Variants in ABCA3 observed in about 807,000 individuals in gnomAD.
The protein encoded by ABCA3 is phospholipid-transporting ATPase ABCA3.
A neutral mutation model predicts 172.8 loss-of-function variants in ABCA3; 88 were observed. The observed-to-expected ratio is 0.51, with a 90% CI of 0.43 to 0.61. ABCA3 has a LOEUF of 0.61. ABCA3 is among the 20% of genes least tolerant of loss of function. The pLI is 0.00. For missense variants in ABCA3, 2,164 were observed against 2,301.0 expected (o/e 0.94, Z 1.22); for synonymous variants, 1,066 against 983.8 (o/e 1.08, Z -1.56).
intron 1 of ABCA3, among the ~76,000 whole-genome samples, chr16:2,330,697 CTTT>C (rs35782536): frequency 2.8e-4 from 22 of 79,198 alleles, no homozygotes; most frequent in Middle Eastern, 6.9e-3. Flanking sequence ...CAACACCACC[CTTT>C]TTTTTTTTTT....
Position 2,281,045 on chromosome 16 carries a change from G to C in ABCA3, c.4341C>G (p.Ile1447Met), listed in dbSNP as rs1357860989. Residue 1447 changes from isoleucine (I) to methionine (M), a missense_variant, in exon 28 of 33, where the codon ATC (isoleucine) becomes ATG (methionine). Physicochemically the swap from Ile to Met is conservative, Grantham distance 10. Transcript: ENST00000301732. This position sits in a 1 kb window ranked among gnomAD's most constrained non-coding sequence, Gnocchi z 4.7. ...SGDAFVGGHRISSDVGKVRQR... is the reference protein window; with the variant it reads ...SGDAFVGGHRMSSDVGKVRQR... ...CACCCACCTTTCCGACATCAGAGCT[G>C]ATTCTGTGACCCCCGACAAAGGCAT... 1 of 1,613,918 alleles carries C rather than the reference G, an allele frequency of 6.2e-7. No individual in the cohort carries two copies. Among genetic ancestry groups the C allele is most frequent in the Non-Finnish European group, 8.5e-7 (1 of 1,180,018 alleles).
chr16:2,284,280 A>T lies in ABCA3; in HGVS notation c.3861T>A (p.Tyr1287Ter), dbSNP rs559774168. 6.2e-7 allele frequency: 1 copy of T among 1,613,186 alleles called. No homozygotes were observed. Among genetic ancestry groups the T allele is most frequent in the South Asian group, 1.1e-5 (1 of 91,072 alleles). ...SEVAAHYCKK[Y>*]NIQYQENFYA... Reference sequence around the variant, plus strand: ...CGGGGTCGGGGCTGGGACACTCACTATATTTCTTGCAGTAGTGGGCGGCGA... The same window carrying T: ...CGGGGTCGGGGCTGGGACACTCACTTTATTTCTTGCAGTAGTGGGCGGCGA... The change falls in exon 25 of 33, where the codon TAT (tyrosine) becomes TAA (stop). Residue 1287 changes from tyrosine to a stop codon, truncating the protein, a stop_gained and splice_region_variant. Coordinates refer to ENST00000301732, the MANE Select transcript of ABCA3 (RefSeq NM_001089.3). LOFTEE classifies it high-confidence loss of function. This position sits in a 1 kb window ranked among gnomAD's most constrained non-coding sequence, Gnocchi z 5.9.
At chr16:2,330,022 G>A (rs1055155839) in intron 1 of ABCA3, among the ~76,000 whole-genome samples, 168 bp from the exon 2 acceptor site, 18 of 152,078 alleles carry the variant, frequency 1.2e-4, no homozygotes, top group Admixed American at 8.5e-4. Flanking sequence ...GGCCGGGCAC[G>A]GTGGCTCATG....
chr16:2,332,349 A>T (rs185216792), intron 1 of ABCA3: 2 of 769,316 alleles, frequency 2.6e-6, no homozygotes, highest in African/African-American at 3.5e-5. Flanking sequence ...CACAGGCACC[A>T]GGGCTTCTAA....
intron 1 of ABCA3, among the ~76,000 whole-genome samples, chr16:2,333,461 C>T (rs1244951377): frequency 1.3e-5 from 2 of 152,190 alleles, no homozygotes; most frequent in African/African-American, 4.8e-5. Flanking sequence ...GAGGACCCAA[C>T]ATCCCAATAT....
At chr16:2,332,786 C>T in intron 1 of ABCA3, 2 of 719,336 alleles carry the variant, frequency 2.8e-6, no homozygotes, top group Non-Finnish European at 2.3e-6. Flanking sequence ...GCACCATAGG[C>T]TTGAATTTGC....
chr16:2,325,417 T>C (rs1002594119), intron 5 of ABCA3, among the ~76,000 whole-genome samples: 7 of 152,154 alleles, frequency 4.6e-5, no homozygotes, highest in Non-Finnish European at 1.0e-4. Flanking sequence ...CCTGGTCCCA[T>C]TGTACAATCA....
chr16:2,314,458 G>A (rs557684407), intron 10 of ABCA3, among the ~76,000 whole-genome samples: 43 of 152,070 alleles, frequency 2.8e-4, no homozygotes, highest in African/African-American at 4.1e-4. Flanking sequence ...TCCAGGGAAG[G>A]GGGGTGGGGG....
Position 2,319,592 on chromosome 16 carries a change from T to C in ABCA3, c.862A>G (p.Arg288Gly). Residue 288 changes from arginine to glycine, a missense_variant, in exon 8 of 33, where the codon AGG becomes GGG. Physicochemically the swap from Arg to Gly is moderately radical, Grantham distance 125. Coordinates refer to ENST00000301732, the MANE Select transcript of ABCA3 (RefSeq NM_001089.3). ...AAGCGGGCAGTCACCTTCAGCCTCC[T>C]TTCCTTCTCCTGCACGACAGCACGG... ...IARAVVQEKE[R>G]RLKEYMRMMG... The C allele has an allele frequency of 6.2e-7, 1 of 1,612,210 alleles. No homozygotes were observed. The highest frequency in any genetic ancestry group is 8.5e-7 in the Non-Finnish European group (1 of 1,179,982).
Position 2,279,139 on chromosome 16 carries a change from G to A in ABCA3, c.4360-9C>T, listed in dbSNP as rs767422969. ...CCGATCCGCTGCCGCACCTGGGGTC[G>A]GAGCATAGCCGGGGAGGGAGGCGGG... On this transcript the variant is annotated splice_polypyrimidine_tract_variant and intron_variant, in intron 28 of 32. Coordinates refer to ENST00000301732, the MANE Select transcript of ABCA3 (RefSeq NM_001089.3). This position sits in a 1 kb window ranked among gnomAD's most constrained non-coding sequence, Gnocchi z 4.4. 66 of 1,610,234 alleles carry A rather than the reference G, an allele frequency of 4.1e-5. No individual in the cohort carries two copies. Among genetic ancestry groups the A allele is most frequent in the Admixed American group, 1.2e-4 (7 of 60,004 alleles).
chr16:2,297,180 G>T lies in ABCA3; in HGVS notation c.2263+149C>A, dbSNP rs562305928. ...TTCCCTCTCACAAGCCCCCCTGCCT[G>T]GTTGGGCTCTCCACCCAGAGGCAAC... On this transcript the variant is annotated intron_variant, in intron 17 of 32. Coordinates refer to ENST00000301732, the MANE Select transcript of ABCA3 (RefSeq NM_001089.3). The surrounding 1 kb of genome is among the most constrained non-coding windows in gnomAD (Gnocchi z 5.6). 37 of 823,332 alleles carry T rather than the reference G, an allele frequency of 4.5e-5. No homozygotes were observed. The African/African-American group carries it at 4.7e-4, about 10-fold the overall frequency. 51.0% of individuals were successfully genotyped at this position (823,332 alleles called of 1,614,324 possible).
rs1596835703 is a variant in ABCA3, at chr16:2,288,120, G to A, written c.2910C>T (p.Phe970=). The A allele has an allele frequency of 2.5e-6, 4 of 1,613,372 alleles. No individual in the cohort carries two copies. The highest frequency in any genetic ancestry group is 1.7e-5 in the Admixed American group (1 of 59,924). Residue 970 remains phenylalanine, a synonymous_variant, in exon 21 of 33, where the codon TTC becomes TTT. Coordinates refer to ENST00000301732, the MANE Select transcript of ABCA3 (RefSeq NM_001089.3). ...LGEYGRTVVP[F]SVPGTSQLGQ... Reference sequence around the variant, plus strand: ...CCAGCTGGGAGGTCCCGGGAACTGAGAAGGGCACGACGGTTCTGCCGTACT... The same window carrying A: ...CCAGCTGGGAGGTCCCGGGAACTGAAAAGGGCACGACGGTTCTGCCGTACT...
At chr16:2,338,325 G>A (rs2093755027) in intron 1 of ABCA3, among the ~76,000 whole-genome samples, 1 of 152,200 alleles carries the variant, frequency 6.6e-6, no homozygotes, top group Admixed American at 6.5e-5. Context: ...GGCCTTCAGT[G>A]TTTTGTCTGC....
At chr16:2,316,140 GAA>G (rs534232946) in intron 10 of ABCA3, among the ~76,000 whole-genome samples, 3 of 57,824 alleles carry the variant, frequency 5.2e-5, no homozygotes, top group Non-Finnish European at 1.0e-4. Context: ...AACATGGTGA[GAA>G]AAAAAAAAAA....
At position 2,279,218 on chromosome 16, in the gene ABCA3, C is replaced by T. The variant is rs2093651455; in HGVS notation, c.4360-88G>A. On this transcript the variant is annotated intron_variant, in intron 28 of 32. Coordinates refer to ENST00000301732, the MANE Select transcript of ABCA3 (RefSeq NM_001089.3). This position sits in a 1 kb window ranked among gnomAD's most constrained non-coding sequence, Gnocchi z 4.4. ...ACCACGGGGACTACCCTTGAGGTGC[C>T]CACCACTGCGCCTGTCTGTGGTTCC... 2.7e-6 allele frequency: 4 copies of T among 1,463,750 alleles called. No individual in the cohort carries two copies. In the Admixed American group the frequency reaches 7.3e-5, roughly 27 times the overall value. The allele number at this position is 1,463,750 out of a possible 1,614,324, so 90.7% of individuals were successfully genotyped here.
At chr16:2,337,616 C>T (rs1373571698) in intron 1 of ABCA3, among the ~76,000 whole-genome samples, 1 of 151,422 alleles carries the variant, frequency 6.6e-6, no homozygotes, top group Non-Finnish European at 1.5e-5. Flanking sequence ...CAACTTGTGG[C>T]CTCAAGTGAT....
rs117122270 is a variant in ABCA3 at position 2,305,859 on chromosome 16, T to G, written c.1286-1709A>C. Among the ~76,000 whole-genome samples the G allele has an allele frequency of 7.0e-3, 1,070 of 152,264 alleles. 4 individuals carry two copies. The highest frequency in any genetic ancestry group is 0.017 in the Middle Eastern group (5 of 294). ...AGTCTTTTTTAATCACAGAAATATTTCAAACACGTGTAAAGCTCTCTTTAA... is the reference window on the plus strand; with the variant it reads ...AGTCTTTTTTAATCACAGAAATATTGCAAACACGTGTAAAGCTCTCTTTAA... On this transcript the variant is annotated intron_variant, in intron 11 of 32. Transcript: ENST00000301732.
At chr16:2,323,712 G>A in intron 6 of ABCA3, 24 bp from the exon 7 acceptor site, 1 of 1,614,014 alleles carries the variant, frequency 6.2e-7, no homozygotes, top group South Asian at 1.1e-5. Context: ...GAGAAAACCA[G>A]CTGTTCCGAG....
chr16:2,310,511 TTTTC>T (rs1178355222), intron 10 of ABCA3, among the ~76,000 whole-genome samples: 60 of 151,840 alleles, frequency 4.0e-4, no homozygotes, highest in Non-Finnish European at 6.6e-4. Flanking sequence ...TCCAACTTTT[TTTTC>T]TTTCTTTTTT....
Sources: gnomAD v4.1 joint callset for allele counts (sites outside exome capture counted in the v4.1 genomes callset) on GRCh38, gnomAD v4.1.1 for gene constraint, Gnocchi (gnomAD v3.1) non-coding constraint, MANE v1.5 for transcripts, NCBI Gene and HGNC (gene_info 2026-07-23, HGNC 2026-07-21) for gene names.